Variants in PEX14 observed in about 807,000 individuals in gnomAD.
PEX14 encodes the protein peroxisomal biogenesis factor 14.
PEX14 carries 15 observed loss-of-function variants against 49.5 expected under a neutral mutation model. That is an observed-to-expected ratio of 0.30 (90% confidence interval 0.20 to 0.47). The LOEUF is 0.47. Among genes scored for constraint, PEX14 ranks in the 20% least tolerant of loss-of-function variants. The pLI, the probability that PEX14 is intolerant of heterozygous loss-of-function variation, is 1.00. For missense variants in PEX14, 398 were observed against 494.8 expected (o/e 0.80, Z 1.86); for synonymous variants, 210 against 212.7 (o/e 0.99, Z 0.11).
intron 4 of PEX14, among the ~76,000 whole-genome samples, chr1:10,603,548 A>G (rs1641045196): frequency 6.7e-6 from 1 of 149,178 alleles, no homozygotes; most frequent in Admixed American, 6.7e-5. Flanking sequence ...ACAGTTCAGG[A>G]GAAGTCAGGC....
intron 4 of PEX14, among the ~76,000 whole-genome samples, chr1:10,617,481 G>A (rs927832347): frequency 1.8e-4 from 27 of 152,022 alleles, no homozygotes; most frequent in Admixed American, 1.4e-3. Flanking sequence ...TTCCTGCCCC[G>A]CCCCAGCCCC....
intron 1 of PEX14, among the ~76,000 whole-genome samples, chr1:10,477,131 C>A (rs933316287): frequency 6.6e-6 from 1 of 151,210 alleles, no homozygotes; most frequent in South Asian, 2.1e-4. Flanking sequence ...AGTGCAGTGG[C>A]GCGATCTCTG....
chr1:10,532,626 T>C (rs1638681903), intron 2 of PEX14, among the ~76,000 whole-genome samples: 1 of 152,178 alleles, frequency 6.6e-6, no homozygotes, highest in Admixed American at 6.5e-5. Context: ...TCCCACAACA[T>C]GTGCAATAAA....
chr1:10,618,298 C>G, intron 4 of PEX14, 34 bp from the exon 5 acceptor site: 1 of 1,570,888 alleles, frequency 6.4e-7, no homozygotes, highest in Non-Finnish European at 8.8e-7. Context: ...ACGCCATGTG[C>G]GTCTTCTAAC....
Position 10,540,192 on chromosome 1 carries a change from A to G in PEX14, c.169+3895A>G, listed in dbSNP as rs139849273. On this transcript the variant is annotated intron_variant, in intron 3 of 8. Transcript: ENST00000356607. The stretch of plus-strand genomic sequence containing the variant: ...GTAGCAAAACCGCCTCCTTGCTGGA[A>G]ATGAACTTGAAGAAACCTGGCGGTC... Among the ~76,000 whole-genome samples the G allele has an allele frequency of 5.3e-4, 81 of 152,338 alleles. 1 individual carries two copies. Among genetic ancestry groups the G allele is most frequent in the East Asian group, 1.5e-3 (8 of 5,190 alleles).
intron 3 of PEX14, among the ~76,000 whole-genome samples, chr1:10,557,351 C>T (rs989797901): frequency 7.9e-5 from 12 of 152,186 alleles, no homozygotes; most frequent in East Asian, 1.9e-4. Flanking sequence ...TTTGGGAGGC[C>T]GAGGTGGGCG....
At chr1:10,559,902 C>T (rs1639602135) in intron 3 of PEX14, among the ~76,000 whole-genome samples, 3 of 152,086 alleles carry the variant, frequency 2.0e-5, no homozygotes, top group South Asian at 2.1e-4. Flanking sequence ...AGTCTCGCCT[C>T]CCCTGGTCCA....
rs1016054290 is a variant in PEX14 at position 10,514,106 on chromosome 1, AAAG to A, written c.84+18789_84+18791del. Among the ~76,000 whole-genome samples, 168 of 142,244 alleles carry A rather than the reference AAAG, an allele frequency of 1.2e-3. No homozygotes were observed. Among genetic ancestry groups the A allele is most frequent in the African/African-American group, 4.1e-3 (155 of 37,530 alleles). The allele number at this position is 142,244 out of a possible 152,430, so 93.3% of individuals were successfully genotyped here. A position where few individuals can be genotyped will look rare whatever the true frequency, so the allele number is the denominator to read the frequency against. ...CCAAAAAAGAAAAAAAGAAGAAAGA[AAAG>A]AAGGAAATAGAAAAAAAGGAAAAAA... is the stretch of plus-strand genomic sequence containing the variant. On this transcript the variant is annotated intron_variant, in intron 2 of 8. Coordinates refer to ENST00000356607, the MANE Select transcript of PEX14 (RefSeq NM_004565.3). This position sits in a 1 kb window ranked among gnomAD's most constrained non-coding sequence, Gnocchi z 4.4.
At chr1:10,496,721 G>A (rs1481039053) in intron 2 of PEX14, among the ~76,000 whole-genome samples, 4 of 151,724 alleles carry the variant, frequency 2.6e-5, no homozygotes, top group Non-Finnish European at 4.4e-5. Flanking sequence ...TAGTGTTTCT[G>A]TGCCCTGCTC....
chr1:10,536,511 A>T (rs1638809340), intron 3 of PEX14: 1 of 575,224 alleles, frequency 1.7e-6, no homozygotes. Context: ...GTAATTAAGC[A>T]CGGATGACTT....
chr1:10,609,454 C>T (rs1219459217), intron 4 of PEX14, among the ~76,000 whole-genome samples: 2 of 152,212 alleles, frequency 1.3e-5, no homozygotes, highest in African/African-American at 4.8e-5. Flanking sequence ...GTAACCAACA[C>T]TACAATCACA....
chr1:10,484,801 CTT>C (rs1290899929), intron 1 of PEX14, among the ~76,000 whole-genome samples: 1 of 151,618 alleles, frequency 6.6e-6, no homozygotes, highest in Non-Finnish European at 1.5e-5. Flanking sequence ...AGACTGGAGA[CTT>C]TAGTGTGTTA....
chr1:10,579,129 G>A (rs909863231), intron 3 of PEX14, among the ~76,000 whole-genome samples: 1 of 152,044 alleles, frequency 6.6e-6, no homozygotes, highest in Non-Finnish European at 1.5e-5. Flanking sequence ...AAATTGCATC[G>A]AGGTGTATCA....
intron 4 of PEX14, among the ~76,000 whole-genome samples, chr1:10,612,041 C>T (rs188055650): frequency 1.3e-3 from 194 of 152,222 alleles, no homozygotes; most frequent in African/African-American, 4.5e-3. Context: ...CTTCTTATAT[C>T]TTAAGATGTT....
At chr1:10,548,927 T>G (rs1482939295) in intron 3 of PEX14, among the ~76,000 whole-genome samples, 1 of 152,256 alleles carries the variant, frequency 6.6e-6, no homozygotes, top group Non-Finnish European at 1.5e-5. Flanking sequence ...GACAGAGGAC[T>G]TGGGCATGCT....
chr1:10,536,028 G>C, intron 2 of PEX14, 185 bp from the exon 3 acceptor site: 1 of 608,692 alleles, frequency 1.6e-6, no homozygotes, highest in Non-Finnish European at 3.0e-6. Context: ...GGAAGCCAGT[G>C]AAGACAGGGA....
intron 2 of PEX14, among the ~76,000 whole-genome samples, chr1:10,506,504 C>T (rs144448719): frequency 0.01 from 1,572 of 152,082 alleles, 32 homozygotes; most frequent in African/African-American, 0.036. Flanking sequence ...CTTGAACTTG[C>T]GACCTCAGGT....
intron 7 of PEX14, among the ~76,000 whole-genome samples, chr1:10,626,310 G>A (rs1280768441): frequency 6.6e-6 from 1 of 152,218 alleles, no homozygotes; most frequent in Non-Finnish European, 1.5e-5. Context: ...AGAGAAGCCA[G>A]AGCCGTGGCT....
At chr1:10,540,489 G>C (rs748940016) in intron 3 of PEX14, among the ~76,000 whole-genome samples, 76 of 151,968 alleles carry the variant, frequency 5.0e-4, no homozygotes, top group Non-Finnish European at 8.8e-4. Context: ...CCAGGTCACT[G>C]ACCTTTTAAT....
Sources: allele counts gnomAD v4.1 joint callset (sites outside exome capture counted in the v4.1 genomes callset), GRCh38; gene constraint gnomAD v4.1.1; non-coding constraint Gnocchi (gnomAD v3.1); transcripts MANE v1.5; gene names NCBI Gene and HGNC (gene_info 2026-07-23, HGNC 2026-07-21).